The following YES1 variants were observed in gnomAD, a reference collection of about 807,000 sequenced individuals.
The protein encoded by YES1 is tyrosine-protein kinase Yes.
YES1 carries 39 observed loss-of-function variants against 70.4 expected under a neutral mutation model. That is an observed-to-expected ratio of 0.55 (90% CI 0.43 to 0.72). The LOEUF is 0.72. Among genes scored for constraint, YES1 ranks in the 30% least tolerant of loss-of-function variants. YES1 has a pLI of 0.00. For synonymous variants in YES1, 198 were observed against 218.6 expected, an observed-to-expected ratio of 0.91 and a Z score of 0.83; for missense variants, 495 against 644.8, an observed-to-expected ratio of 0.77 and a Z score of 2.52.
At chr18:732,747 C>T (rs1598888238) in intron 11 of YES1, 87 bp downstream of exon 11, 1 of 1,550,818 alleles carries the variant, frequency 6.4e-7, no homozygotes, top group African/African-American at 1.4e-5. Context: ...GAAATAAAGG[C>T]CTTTTCCCCG....
intron 1 of YES1, among the ~76,000 whole-genome samples, chr18:808,324 G>A (rs186721586): frequency 3.4e-4 from 52 of 152,258 alleles, no homozygotes; most frequent in Admixed American, 3.3e-3. Flanking sequence ...TTAGACAGGA[G>A]CTGGATGGTT....
rs762569020 is a variant in YES1 at position 722,934 on chromosome 18, T to A, written c.*1490A>T. The A allele has an allele frequency of 6.6e-6, 1 of 152,070 alleles. No individual in the cohort carries two copies. The highest frequency in any genetic ancestry group is 1.5e-5 in the Non-Finnish European group (1 of 68,074). The allele number at this position is 152,070 out of a possible 1,614,324, so 9.4% of individuals were successfully genotyped here. A position where few individuals can be genotyped will look rare whatever the true frequency, so the allele number is the denominator to read the frequency against. ...GGTGAAACTGCGTCTCTACTAAAAA[T>A]ACAAAAAACTAGCCAGGCGTGGTGG... On this transcript the variant is annotated 3_prime_UTR_variant, in exon 12 of 12. Coordinates refer to ENST00000314574, the MANE Select transcript of YES1 (RefSeq NM_005433.4).
At chr18:788,464 ATT>A (rs927288840) in intron 1 of YES1, among the ~76,000 whole-genome samples, 3 of 152,192 alleles carry the variant, frequency 2.0e-5, no homozygotes, top group African/African-American at 4.8e-5. Context: ...TATATTTAAA[ATT>A]TTGTTTTATT....
At chr18:747,829 TTCTG>T in intron 4 of YES1, 87 bp downstream of exon 4, 1 of 1,166,176 alleles carries the variant, frequency 8.6e-7, no homozygotes. Context: ...TGGTATATAA[TTCTG>T]TGTGTGTAAA....
intron 1 of YES1, among the ~76,000 whole-genome samples, chr18:786,385 C>G (rs1311524265): frequency 6.6e-6 from 1 of 151,940 alleles, no homozygotes; most frequent in Non-Finnish European, 1.5e-5. Flanking sequence ...TTGAGGGACA[C>G]TGGCAAGAGA....
intron 2 of YES1, among the ~76,000 whole-genome samples, chr18:755,316 T>A (rs1158533964): frequency 6.6e-6 from 1 of 151,842 alleles, no homozygotes; most frequent in Non-Finnish European, 1.5e-5. Context: ...TGGCGCAATC[T>A]TGGCTCACTG....
At chr18:748,082 G>C (rs2080301355) in intron 3 of YES1, 64 bp from the exon 4 acceptor site, 1 of 1,314,410 alleles carries the variant, frequency 7.6e-7, no homozygotes. Context: ...ATATATTGCA[G>C]TGCTATCTTG....
In YES1 at chr18:756,704, A is replaced by G. The variant is rs1329628720; in HGVS notation, c.124T>C (p.Cys42Arg). ...GTTCCCTTTGCTGAAGATGACGGAC[A>G]TGGTGACACTGTAGTGGGTTCTGCT... is the stretch of plus-strand genomic sequence containing the variant. ...YGAEPTTVSP[C>R]PSSSAKGTAV... Residue 42 changes from cysteine to arginine, a missense_variant, in exon 2 of 12, where the codon TGT becomes CGT. Transcript: ENST00000314574. 2 of 1,614,190 alleles carry G rather than the reference A, an allele frequency of 1.2e-6. No homozygotes were observed. The highest frequency in any genetic ancestry group is 1.7e-6 in the Non-Finnish European group (2 of 1,180,044).
At chr18:773,736 C>T (rs1420557086) in intron 1 of YES1, among the ~76,000 whole-genome samples, 5 of 152,252 alleles carry the variant, frequency 3.3e-5, no homozygotes, top group South Asian at 4.1e-4. Flanking sequence ...CTATGTTTCT[C>T]GCATTCACTT....
Position 787,407 on chromosome 18 carries a change from T to C in YES1, c.-9+24707A>G, listed in dbSNP as rs538633180. ...GCCACCGCGCCCAGCTGATACATAC[T>C]GTATTTAAAAAAATTTGTTGGGCTG... On this transcript the variant is annotated intron_variant, in intron 1 of 11. Coordinates refer to ENST00000314574, the MANE Select transcript of YES1 (RefSeq NM_005433.4). 5.9e-5 allele frequency among the ~76,000 whole-genome samples: 9 copies of C among 151,920 alleles called. No homozygotes were observed. In the East Asian group the frequency reaches 1.2e-3, roughly 20 times the overall value.
At chr18:769,017 T>C (rs1905036338) in intron 1 of YES1, among the ~76,000 whole-genome samples, 1 of 152,006 alleles carries the variant, frequency 6.6e-6, no homozygotes. Flanking sequence ...TATGTTTAGA[T>C]ACACAAATAC....
intron 1 of YES1, among the ~76,000 whole-genome samples, chr18:763,336 A>G (rs756442531): frequency 5.3e-5 from 8 of 152,206 alleles, no homozygotes; most frequent in Non-Finnish European, 1.0e-4. Context: ...TATACAGCCT[A>G]GAAAGAAGAA....
In YES1 at chr18:762,197, G is replaced by A. The variant is rs567594829; in HGVS notation, c.-8-5362C>T. ...TAGCTGGGCGTGGTGGCCCATGCCT[G>A]TAATCTCAGCTACTCAGGAGGCTGA... On this transcript the variant is annotated intron_variant, in intron 1 of 11. Coordinates refer to ENST00000314574, the MANE Select transcript of YES1 (RefSeq NM_005433.4). Among the ~76,000 whole-genome samples, 3 of 152,344 alleles carry A rather than the reference G, an allele frequency of 2.0e-5. No individual in the cohort carries two copies. The East Asian group carries it at 5.8e-4, about 29-fold the overall frequency.
chr18:790,737 C>T (rs1043542056), intron 1 of YES1, among the ~76,000 whole-genome samples: 5 of 151,994 alleles, frequency 3.3e-5, no homozygotes, highest in Non-Finnish European at 5.9e-5. Context: ...AGATAGGAGA[C>T]CTAAATAAAG....
chr18:772,698 C>G (rs186506119), intron 1 of YES1, among the ~76,000 whole-genome samples: 153 of 152,278 alleles, frequency 1.0e-3, no homozygotes, highest in African/African-American at 3.5e-3. Flanking sequence ...TCTCAAAGTG[C>G]TGGGATTACA....
At position 722,513 on chromosome 18, in the gene YES1, A is replaced by G. The variant is rs1161212180; in HGVS notation, c.*1911T>C. On this transcript the variant is annotated 3_prime_UTR_variant, in exon 12 of 12. Coordinates refer to ENST00000314574, the MANE Select transcript of YES1 (RefSeq NM_005433.4). ...AATATAAGGCTTAATTTAAAGTGTGACTATATGAGAGTATTTTAAAACATA... is the reference window on the plus strand; with the variant it reads ...AATATAAGGCTTAATTTAAAGTGTGGCTATATGAGAGTATTTTAAAACATA... The G allele has an allele frequency of 6.6e-6, 1 of 152,608 alleles. No individual in the cohort carries two copies. Among genetic ancestry groups the G allele is most frequent in the African/African-American group, 2.4e-5 (1 of 41,430 alleles). 9.5% of individuals were successfully genotyped at this position (152,608 alleles called of 1,614,324 possible). A position where few individuals can be genotyped will look rare whatever the true frequency, so the allele number is the denominator to read the frequency against.
intron 1 of YES1, among the ~76,000 whole-genome samples, chr18:789,889 G>A (rs1017790125): frequency 2.6e-5 from 4 of 151,742 alleles, no homozygotes; most frequent in African/African-American, 7.3e-5. Flanking sequence ...GTGAAACCCC[G>A]TCTCTATTAA....
intron 1 of YES1, among the ~76,000 whole-genome samples, chr18:757,105 C>A (rs1234696350): frequency 4.6e-5 from 7 of 152,204 alleles, no homozygotes; most frequent in Admixed American, 2.0e-4. Flanking sequence ...TGGGAAAAAA[C>A]CATGGGCTCT....
intron 1 of YES1, among the ~76,000 whole-genome samples, chr18:788,499 T>G (rs1906078474): frequency 6.6e-6 from 1 of 152,242 alleles, no homozygotes; most frequent in East Asian, 1.9e-4. Context: ...CTTTTGATTT[T>G]CAAAGTTTAG....
Sources: gnomAD v4.1 joint callset for allele counts (sites outside exome capture counted in the v4.1 genomes callset) on GRCh38, gnomAD v4.1.1 for gene constraint, MANE v1.5 for transcripts, NCBI Gene and HGNC (gene_info 2026-07-23, HGNC 2026-07-21) for gene names.